NCAM1: variants seen among roughly 807,000 people sequenced by gnomAD.
NCAM1 encodes neural cell adhesion molecule 1.
In NCAM1, 14 loss-of-function variants were observed where a neutral mutation model predicts 109.8. The ratio of observed to expected loss-of-function variants is 0.13; its 90% CI spans 0.08 to 0.20. NCAM1 has a LOEUF of 0.20. Ranked by LOEUF, NCAM1 falls within the 10% of genes least tolerant of loss-of-function variation. The pLI is 1.00. For missense variants in NCAM1, 774 were observed against 1,109.9 expected (o/e 0.70, Z 4.30); for synonymous variants, 418 against 442.9 (o/e 0.94, Z 0.70).
intron 14 of NCAM1, among the ~76,000 whole-genome samples, chr11:113,244,905 G>A (rs944825678): frequency 1.4e-4 from 21 of 152,122 alleles, no homozygotes; most frequent in Non-Finnish European, 2.6e-4. Flanking sequence ...TTTTTAACCA[G>A]CGGTGTTCTT....
intron 1 of NCAM1, among the ~76,000 whole-genome samples, chr11:113,130,021 G>A (rs538788050): frequency 6.6e-6 from 1 of 152,278 alleles, no homozygotes; most frequent in South Asian, 2.1e-4. Context: ...GTACACGTGG[G>A]TGTCTAAGGG....
chr11:112,996,682 A>G (rs1951605648), intron 1 of NCAM1, among the ~76,000 whole-genome samples: 1 of 152,150 alleles, frequency 6.6e-6, no homozygotes. Flanking sequence ...TTTATTCTGC[A>G]TTTCATCATT....
intron 14 of NCAM1, chr11:113,243,886 A>G (rs996168206): frequency 2.7e-5 from 5 of 186,602 alleles, no homozygotes; most frequent in African/African-American, 2.3e-5. Context: ...TGTTGCATGA[A>G]ATGGTTCTTT....
Position 113,043,714 on chromosome 11 carries a change from A to T in NCAM1, c.52+82050A>T, listed in dbSNP as rs191722976. ...GTCTTCTGTTCTCTCTCCAGCTGGT[A>T]ACAAGCATTCCCTCCTCAGAGTCTC... is the stretch of plus-strand genomic sequence containing the variant. On this transcript the variant is annotated intron_variant, in intron 1 of 19. Transcript: ENST00000316851. Among the ~76,000 whole-genome samples the T allele has an allele frequency of 2.0e-5, 3 of 152,242 alleles. No individual in the cohort carries two copies. The East Asian group carries it at 5.8e-4, about 29-fold the overall frequency.
chr11:113,206,362 C>G (rs1944240089), intron 5 of NCAM1, among the ~76,000 whole-genome samples, 182 bp downstream of exon 5: 1 of 142,230 alleles, frequency 7.0e-6, no homozygotes, highest in Non-Finnish European at 1.5e-5. Context: ...TTTTAATATA[C>G]TTGCCTGTTG....
rs1555125468 is a variant in NCAM1 at position 113,271,862 on chromosome 11, A to G, written c.2442A>G (p.Pro814=). The G allele has an allele frequency of 1.3e-6, 2 of 1,567,736 alleles. No individual in the cohort carries two copies. The highest frequency in any genetic ancestry group is 2.4e-5 in the South Asian group (2 of 84,776). ...ACACAGAGCCCAACGAGACCACGCCACTGACGGAGCCCGAGTACGTGGGCT... is the reference window on the plus strand; with the variant it reads ...ACACAGAGCCCAACGAGACCACGCCGCTGACGGAGCCCGAGTACGTGGGCT... ...GKHTEPNETT[P]LTEPEKGPVE... The change falls in exon 19 of 20, where the codon CCA becomes CCG. Residue 814 remains proline, a synonymous_variant. Coordinates refer to ENST00000316851, the MANE Select transcript of NCAM1 (RefSeq NM_181351.5).
chr11:113,172,008 A>T (rs1943010462), intron 1 of NCAM1, among the ~76,000 whole-genome samples: 1 of 152,188 alleles, frequency 6.6e-6, no homozygotes, highest in Non-Finnish European at 1.5e-5. Context: ...ACTCCCAGAA[A>T]CTAGAAGAGA....
At chr11:113,009,977 C>T (rs1420563063) in intron 1 of NCAM1, among the ~76,000 whole-genome samples, 1 of 151,556 alleles carries the variant, frequency 6.6e-6, no homozygotes, top group East Asian at 1.9e-4. Flanking sequence ...GACCAGTGTA[C>T]AGGCTAAGAA....
At chr11:113,083,307 C>G (rs903616551) in intron 1 of NCAM1, among the ~76,000 whole-genome samples, 3 of 151,970 alleles carry the variant, frequency 2.0e-5, no homozygotes, top group Non-Finnish European at 4.4e-5. Flanking sequence ...AATAACTGGC[C>G]CAAATATACA....
intron 1 of NCAM1, among the ~76,000 whole-genome samples, chr11:113,159,655 G>A (rs1942531917): frequency 6.6e-6 from 1 of 151,084 alleles, no homozygotes; most frequent in African/African-American, 2.4e-5. Context: ...TCCTTTTATC[G>A]TTTTCTTTAT....
chr11:113,247,577 G>T (rs1555120541), intron 15 of NCAM1, among the ~76,000 whole-genome samples: 1 of 152,124 alleles, frequency 6.6e-6, no homozygotes, highest in Non-Finnish European at 1.5e-5. Flanking sequence ...AGCTTTATAG[G>T]GATGTCAGCT....
At position 113,192,167 on chromosome 11, in the gene NCAM1, T is replaced by C. The variant is rs572792440; in HGVS notation, c.53-10212T>C. On this transcript the variant is annotated intron_variant, in intron 1 of 19. Transcript: ENST00000316851. ...AAGAAAAGAACATCGACGAGTCATT[T>C]TGTCAAGGTTTCAGGAGAGCAGACC... Among the ~76,000 whole-genome samples, 97 of 152,332 alleles carry C rather than the reference T, an allele frequency of 6.4e-4. No individual in the cohort carries two copies. The South Asian group carries it at 0.01, about 16-fold the overall frequency.
At chr11:112,982,383 A>T (rs1394753385) in intron 1 of NCAM1, among the ~76,000 whole-genome samples, 5 of 151,942 alleles carry the variant, frequency 3.3e-5, no homozygotes, top group Non-Finnish European at 7.4e-5. Flanking sequence ...AGAACTGGGG[A>T]TGGCCTTGCT....
At chr11:113,120,365 C>T (rs1474055869) in intron 1 of NCAM1, among the ~76,000 whole-genome samples, 1 of 152,118 alleles carries the variant, frequency 6.6e-6, no homozygotes, top group Non-Finnish European at 1.5e-5. Context: ...TAGCACTCAG[C>T]CATTTAAAAG....
chr11:113,019,821 A>G (rs1555075924), intron 1 of NCAM1, among the ~76,000 whole-genome samples: 1 of 152,220 alleles, frequency 6.6e-6, no homozygotes, highest in African/African-American at 2.4e-5. Context: ...AATATACCAC[A>G]TGAGTTCTCT....
At position 113,173,996 on chromosome 11, in the gene NCAM1, A is replaced by G. The variant is rs1227800005; in HGVS notation, c.53-28383A>G. On this transcript the variant is annotated intron_variant, in intron 1 of 19. Coordinates refer to ENST00000316851, the MANE Select transcript of NCAM1 (RefSeq NM_181351.5). ...TGTTAAAAAAAAAAATCTCCATGGC[A>G]TGTTACCTTTGTCATTGTGTATTTA... 2.0e-5 allele frequency among the ~76,000 whole-genome samples: 3 copies of G among 152,058 alleles called. No homozygotes were observed. In the East Asian group the frequency reaches 5.8e-4, roughly 29 times the overall value.
chr11:113,109,224 T>C (rs970879787), intron 1 of NCAM1, among the ~76,000 whole-genome samples: 7 of 151,532 alleles, frequency 4.6e-5, no homozygotes, highest in Non-Finnish European at 8.8e-5. Flanking sequence ...GGCATGCACC[T>C]GTAGTCCCAG....
chr11:113,146,931 C>G (rs1387969422), intron 1 of NCAM1, among the ~76,000 whole-genome samples: 2 of 151,994 alleles, frequency 1.3e-5, no homozygotes, highest in Non-Finnish European at 2.9e-5. Context: ...AAGTGTCAAC[C>G]CTTTATCACC....
intron 1 of NCAM1, among the ~76,000 whole-genome samples, chr11:113,187,336 A>G (rs1943537538): frequency 6.6e-6 from 1 of 152,126 alleles, no homozygotes. Context: ...CCTTTCCCCA[A>G]GGGTTCAGGG....
Sources: gnomAD v4.1 joint callset for allele counts (sites outside exome capture counted in the v4.1 genomes callset) on GRCh38, gnomAD v4.1.1 for gene constraint, MANE v1.5 for transcripts, NCBI Gene and HGNC (gene_info 2026-07-23, HGNC 2026-07-21) for gene names.